The following SCHIP1 variants were observed in gnomAD, a reference collection of about 807,000 sequenced individuals.
SCHIP1 encodes schwannomin interacting protein 1.
A neutral mutation model predicts 29.7 loss-of-function variants in SCHIP1; 8 were observed. The observed-to-expected ratio is 0.27, with a 90% CI of 0.16 to 0.49. SCHIP1 has a LOEUF of 0.49. Among genes scored for constraint, SCHIP1 ranks in the 20% least tolerant of loss-of-function variants. The pLI is 0.99. For missense variants in SCHIP1, 193 were observed against 294.6 expected (o/e 0.66, Z 2.52); for synonymous variants, 76 against 94.9 (o/e 0.80, Z 1.16).
At chr3:159,581,849 A>G in the SCHIP1 span, among the ~76,000 whole-genome samples, 1 of 152,194 alleles carries the variant, frequency 6.6e-6, no homozygotes, top group African/African-American at 2.4e-5. Flanking sequence ...GAAAGTTTTA[A>G]TGAAAAAATT....
At chr3:159,871,393 C>T (rs940737050) in intron 2 of SCHIP1, among the ~76,000 whole-genome samples, 2 of 151,708 alleles carry the variant, frequency 1.3e-5, no homozygotes, top group African/African-American at 4.8e-5. Context: ...TATAACCTAA[C>T]GTTGTAGTAT....
chr3:159,886,113 A>T (rs1716935565), intron 2 of SCHIP1, 94 bp from the exon 4 acceptor site: 1 of 1,296,680 alleles, frequency 7.7e-7, no homozygotes, highest in Non-Finnish European at 1.1e-6. Context: ...AACACATAAG[A>T]CTACTTTCTG....
chr3:159,732,542 G>T, the SCHIP1 span, among the ~76,000 whole-genome samples: 2 of 152,196 alleles, frequency 1.3e-5, no homozygotes, highest in Non-Finnish European at 2.9e-5. Context: ...GGAGAAGTTT[G>T]AGTTGAAGGA....
the SCHIP1 span, among the ~76,000 whole-genome samples, chr3:159,545,744 A>G: frequency 6.7e-6 from 1 of 148,712 alleles, no homozygotes; most frequent in Non-Finnish European, 1.5e-5. Flanking sequence ...ATATGTATAT[A>G]TACACACACA....
the SCHIP1 span, among the ~76,000 whole-genome samples, chr3:159,405,337 C>T: frequency 9.9e-5 from 15 of 152,100 alleles, no homozygotes; most frequent in Admixed American, 7.9e-4. Flanking sequence ...TAGAGATTTG[C>T]GGCCTTTCAG....
At chr3:159,490,730 G>A in the SCHIP1 span, among the ~76,000 whole-genome samples, 1 of 152,190 alleles carries the variant, frequency 6.6e-6, no homozygotes, top group Non-Finnish European at 1.5e-5. Context: ...GATTTACACT[G>A]CAAACTCCAC....
chr3:159,705,011 T>A, the SCHIP1 span, among the ~76,000 whole-genome samples: 2 of 152,088 alleles, frequency 1.3e-5, no homozygotes, highest in Admixed American at 1.3e-4. Flanking sequence ...TTGCCCAGGC[T>A]GGACTGCAAT....
the SCHIP1 span, among the ~76,000 whole-genome samples, chr3:159,428,639 G>A: frequency 1.5e-4 from 23 of 150,166 alleles, no homozygotes; most frequent in African/African-American, 7.3e-5. Context: ...TCAGTGTGGC[G>A]ATTCCTCAGG....
the SCHIP1 span, among the ~76,000 whole-genome samples, chr3:159,743,383 C>T: frequency 8.5e-5 from 13 of 152,228 alleles, no homozygotes; most frequent in Non-Finnish European, 1.9e-4. Flanking sequence ...CCATGGAATA[C>T]TAGTCAGCAA....
At chr3:159,491,383 G>T in the SCHIP1 span, among the ~76,000 whole-genome samples, 1 of 152,202 alleles carries the variant, frequency 6.6e-6, no homozygotes. Context: ...AACGGCACCT[G>T]GAACATCGGG....
At chr3:159,598,074 A>G in the SCHIP1 span, among the ~76,000 whole-genome samples, 30,904 of 151,718 alleles carry the variant, frequency 0.2, 8,571 homozygotes, top group African/African-American at 0.63. Flanking sequence ...GGGAAAACTG[A>G]CCCCATGATC....
chr3:159,363,684 C>G, the SCHIP1 span, among the ~76,000 whole-genome samples: 1 of 152,314 alleles, frequency 6.6e-6, no homozygotes, highest in East Asian at 1.9e-4. Flanking sequence ...AGATGATTAT[C>G]TGACATCTCT....
the SCHIP1 span, among the ~76,000 whole-genome samples, chr3:159,540,111 T>C: frequency 1.6e-4 from 24 of 152,046 alleles, no homozygotes; most frequent in African/African-American, 5.8e-4. Flanking sequence ...CTGCCTTCCC[T>C]TCCTCTTCCC....
the SCHIP1 span, among the ~76,000 whole-genome samples, chr3:159,626,224 ATATATC>A: frequency 6.9e-5 from 8 of 115,262 alleles, no homozygotes; most frequent in African/African-American, 4.6e-4. Flanking sequence ...CTAGATATAT[ATATATC>A]TAGATATATC....
the SCHIP1 span, among the ~76,000 whole-genome samples, chr3:159,366,208 A>ACTT: frequency 1.4e-3 from 210 of 152,192 alleles, no homozygotes; most frequent in African/African-American, 4.4e-3. Context: ...GGCGCCACAC[A>ACTT]CTTTTAAATG....
At chr3:159,462,220 A>G in the SCHIP1 span, among the ~76,000 whole-genome samples, 2 of 152,102 alleles carry the variant, frequency 1.3e-5, no homozygotes, top group Non-Finnish European at 2.9e-5. Context: ...AAAAAATAAA[A>G]AATAAAAAAT....
the SCHIP1 span, among the ~76,000 whole-genome samples, chr3:159,332,591 T>A: frequency 5.7e-3 from 868 of 152,264 alleles, 4 homozygotes; most frequent in African/African-American, 0.02. Context: ...ATATGAGCCC[T>A]GCAAGGTTTG....
the SCHIP1 span, among the ~76,000 whole-genome samples, chr3:159,495,658 A>G: frequency 6.6e-6 from 1 of 152,234 alleles, no homozygotes; most frequent in Admixed American, 6.5e-5. Flanking sequence ...GGAAGAATCA[A>G]TATCGTGAAA....
chr3:159,559,068 C>T, the SCHIP1 span, among the ~76,000 whole-genome samples: 3 of 152,096 alleles, frequency 2.0e-5, no homozygotes, highest in Non-Finnish European at 4.4e-5. Context: ...AAGGAATGAA[C>T]AAAGGAATGT....
Sources: gnomAD v4.1 joint callset for allele counts (sites outside exome capture counted in the v4.1 genomes callset) on GRCh38, gnomAD v4.1.1 for gene constraint, MANE v1.5 for transcripts, NCBI Gene and HGNC (gene_info 2026-07-23, HGNC 2026-07-21) for gene names.